Variants in MOK observed in about 807,000 individuals in gnomAD.
MOK encodes MAPK/MAK/MRK overlapping kinase.
A neutral mutation model predicts 54.2 loss-of-function variants in MOK; 59 were observed. That is an observed-to-expected ratio of 1.09 (90% CI 0.88 to 1.35). The LOEUF is 1.35. Among genes scored for constraint, MOK ranks in the 40% most tolerant of loss-of-function variants. The pLI, the probability that MOK is intolerant of heterozygous loss-of-function variation, is 0.00. For missense variants in MOK, 517 were observed against 526.2 expected, an observed-to-expected ratio of 0.98 and a Z score of 0.17; for synonymous variants, 210 against 202.7, an observed-to-expected ratio of 1.04 and a Z score of -0.31.
intron 1 of MOK, among the ~76,000 whole-genome samples, chr14:102,297,037 A>C (rs1346022881): frequency 6.9e-5 from 10 of 144,830 alleles, no homozygotes; most frequent in East Asian, 6.3e-4. Context: ...CAGCCTGGGC[A>C]ACACAGCGAG....
intron 2 of MOK, among the ~76,000 whole-genome samples, chr14:102,268,864 G>C (rs555854692): frequency 3.8e-4 from 56 of 147,634 alleles, no homozygotes; most frequent in East Asian, 1.8e-3. Flanking sequence ...GCAGTAAGCC[G>C]AAATCACGCC....
Position 102,304,985 on chromosome 14 carries a change from G to A in MOK, c.-17C>T, listed in dbSNP as rs751552109. 1.3e-5 allele frequency: 20 copies of A among 1,580,686 alleles called. No homozygotes were observed. The highest frequency in any genetic ancestry group is 1.6e-5 in the Non-Finnish European group (19 of 1,160,638). On this transcript the variant is annotated 5_prime_UTR_variant, in exon 1 of 12. Coordinates refer to ENST00000361847, the MANE Select transcript of MOK (RefSeq NM_014226.3). ...ACTCTTCATCTTGGATGCGGAAGCC[G>A]GTGACAACCCCTTGCCGACACTGGA...
At chr14:102,261,423 A>C (rs1163412357) in intron 4 of MOK, among the ~76,000 whole-genome samples, 1 of 28,676 alleles carries the variant, frequency 3.5e-5, no homozygotes, top group Non-Finnish European at 7.2e-5. Flanking sequence ...AAAAAAATAT[A>C]TATATATATA....
intron 1 of MOK, among the ~76,000 whole-genome samples, chr14:102,300,113 CA>C (rs2071992491): frequency 6.6e-6 from 1 of 151,934 alleles, no homozygotes; most frequent in Non-Finnish European, 1.5e-5. Context: ...TGCCTGAGGT[CA>C]GGAGTTCGAG....
At chr14:102,222,822 G>C (rs764665709), downstream of MOK, 3 of 1,614,080 alleles carry the variant, frequency 1.9e-6, no homozygotes, top group Non-Finnish European at 2.5e-6. The surrounding 1 kb of genome is among the most constrained non-coding windows in gnomAD (Gnocchi z 4.4). Flanking sequence ...AGACTGCTTT[G>C]TTTGCAGGGC....
intron 3 of MOK, among the ~76,000 whole-genome samples, chr14:102,265,001 A>G (rs2067783938): frequency 6.6e-6 from 1 of 152,386 alleles, no homozygotes; most frequent in South Asian, 2.1e-4. Flanking sequence ...TCCCAGGCTC[A>G]GGCAGGCACC....
the MOK span, chr14:102,214,983 A>G: frequency 1.0e-6 from 1 of 984,924 alleles, no homozygotes; most frequent in Non-Finnish European, 1.2e-6. Context: ...ACATTAAATA[A>G]ACGTGTGTGA....
chr14:102,247,680 T>C (rs1374248287), intron 7 of MOK, among the ~76,000 whole-genome samples: 1 of 152,152 alleles, frequency 6.6e-6, no homozygotes, highest in Non-Finnish European at 1.5e-5. Flanking sequence ...CAGCGCTTCT[T>C]CAAAATCACA....
rs750167862 is a variant in MOK at position 102,283,595 on chromosome 14, A to G, written c.8-3T>C. The G allele has an allele frequency of 6.4e-7, 1 of 1,561,592 alleles. No individual in the cohort carries two copies. The highest frequency in any genetic ancestry group is 1.8e-5 in the Admixed American group (1 of 56,128). ...TATTTTGCCAATTGCTTTATAGTCT[A>G]TAAATAAAAATGATTACAAAAATAA... is the stretch of plus-strand genomic sequence containing the variant. On this transcript the variant is annotated splice_region_variant and splice_polypyrimidine_tract_variant and intron_variant, in intron 1 of 11. Transcript: ENST00000361847.
At chr14:102,284,533 T>C (rs1175477153) in intron 1 of MOK, among the ~76,000 whole-genome samples, 3 of 152,040 alleles carry the variant, frequency 2.0e-5, no homozygotes, top group Non-Finnish European at 4.4e-5. Flanking sequence ...ATGGAAGGAA[T>C]AAGTAAAATC....
chr14:102,229,715 G>A, intron 10 of MOK, 58 bp from the exon 11 acceptor site: 12 of 1,463,702 alleles, frequency 8.2e-6, no homozygotes, highest in African/African-American at 1.4e-5. Flanking sequence ...ATGGAAATTA[G>A]GAAAAACGAA....
At chr14:102,265,544 T>C (rs1389692814) in intron 3 of MOK, among the ~76,000 whole-genome samples, 4 of 152,080 alleles carry the variant, frequency 2.6e-5, no homozygotes, top group Non-Finnish European at 4.4e-5. Context: ...AGGCAGGAGA[T>C]GGCTTGAACC....
downstream of MOK, chr14:102,224,910 T>C (rs1332108522): frequency 2.4e-6 from 1 of 408,988 alleles, no homozygotes; most frequent in Non-Finnish European, 4.8e-6. Flanking sequence ...TATTAGCATG[T>C]TTTAGGTACT....
At chr14:102,267,188 A>C (rs8013308) in intron 2 of MOK, among the ~76,000 whole-genome samples, 46,190 of 152,206 alleles carry the variant, frequency 0.3, 8,966 homozygotes, top group African/African-American at 0.56. Context: ...TCTGTTCTAT[A>C]AACTTTTAAC....
intron 8 of MOK, 40 bp downstream of exon 8, chr14:102,233,648 G>A: frequency 3.9e-6 from 6 of 1,555,156 alleles, no homozygotes; most frequent in Non-Finnish European, 5.3e-6. Context: ...GTCCTAGCAG[G>A]GGAGTGGGTC....
chr14:102,220,292 A>G (rs1261262652), downstream of MOK, among the ~76,000 whole-genome samples: 1 of 152,220 alleles, frequency 6.6e-6, no homozygotes, highest in Non-Finnish European at 1.5e-5. This position sits in a 1 kb window ranked among gnomAD's most constrained non-coding sequence, Gnocchi z 4.2. Flanking sequence ...GCAGCCACTA[A>G]GTATGTAAAT....
At chr14:102,250,443 C>A (rs1460980444) in intron 7 of MOK, among the ~76,000 whole-genome samples, 3 of 152,010 alleles carry the variant, frequency 2.0e-5, no homozygotes, top group Non-Finnish European at 4.4e-5. Context: ...GCCTCATCCT[C>A]ACACCTGTGG....
intron 1 of MOK, among the ~76,000 whole-genome samples, chr14:102,301,672 T>C (rs2072218108): frequency 6.6e-6 from 1 of 152,226 alleles, no homozygotes; most frequent in Non-Finnish European, 1.5e-5. Context: ...AAATCATTTA[T>C]TTAATGATCA....
intron 1 of MOK, among the ~76,000 whole-genome samples, chr14:102,301,293 G>C (rs977314528): frequency 2.0e-5 from 3 of 152,160 alleles, no homozygotes; most frequent in African/African-American, 7.2e-5. Context: ...AAGAAAAGCA[G>C]TATAAGAAAA....
Sources: gnomAD v4.1 joint callset for allele counts (sites outside exome capture counted in the v4.1 genomes callset) on GRCh38, gnomAD v4.1.1 for gene constraint, Gnocchi (gnomAD v3.1) non-coding constraint, MANE v1.5 for transcripts, NCBI Gene and HGNC (gene_info 2026-07-23, HGNC 2026-07-21) for gene names.